The following IQCJ variants were observed in gnomAD, a reference collection of about 807,000 sequenced individuals.
The protein encoded by IQCJ is IQ motif containing J.
In IQCJ, 9 loss-of-function variants were observed where a neutral mutation model predicts 11.0. That is an observed-to-expected ratio of 0.82 (90% confidence interval 0.49 to 1.43). The LOEUF is 1.43. Among genes scored for constraint, IQCJ ranks in the 40% most tolerant of loss-of-function variants. The pLI is 0.00. For synonymous variants in IQCJ, 55 were observed against 51.3 expected (o/e 1.07, Z -0.31); for missense variants, 146 against 133.2 (o/e 1.10, Z -0.47).
chr3:159,156,100 G>T (rs1388141442), intron 1 of IQCJ, among the ~76,000 whole-genome samples: 2 of 152,174 alleles, frequency 1.3e-5, no homozygotes, highest in Admixed American at 1.3e-4. Flanking sequence ...TTAGCACTCT[G>T]TATGCATTTT....
At chr3:159,248,062 C>A (rs1410407413) in intron 2 of IQCJ, among the ~76,000 whole-genome samples, 1 of 152,140 alleles carries the variant, frequency 6.6e-6, no homozygotes, top group African/African-American at 2.4e-5. Context: ...GGTCTGATGC[C>A]TCTTTCTACT....
chr3:159,145,626 G>T (rs1026416873), intron 1 of IQCJ, among the ~76,000 whole-genome samples: 1 of 150,732 alleles, frequency 6.6e-6, no homozygotes. Flanking sequence ...AGACTTTTCC[G>T]GAGAAAAAGT....
intron 1 of IQCJ, among the ~76,000 whole-genome samples, chr3:159,106,515 T>A (rs1021572391): frequency 6.7e-6 from 1 of 150,054 alleles, no homozygotes; most frequent in Non-Finnish European, 1.5e-5. Flanking sequence ...GGTAGGAGGG[T>A]GGAGTGGGGT....
chr3:159,146,109 T>G (rs1169647006), intron 1 of IQCJ, among the ~76,000 whole-genome samples: 2 of 152,202 alleles, frequency 1.3e-5, no homozygotes, highest in Non-Finnish European at 2.9e-5. Flanking sequence ...GGCAATTACA[T>G]TGGCCTCCTT....
intron 1 of IQCJ, among the ~76,000 whole-genome samples, chr3:159,136,413 C>T (rs1395885887): frequency 1.3e-5 from 2 of 152,054 alleles, no homozygotes; most frequent in African/African-American, 4.8e-5. Flanking sequence ...GAGTGTGTTC[C>T]CCTTAGAGAC....
chr3:159,221,102 TG>T (rs1725512029), intron 1 of IQCJ, among the ~76,000 whole-genome samples: 1 of 152,240 alleles, frequency 6.6e-6, no homozygotes, highest in African/African-American at 2.4e-5. Context: ...CCTGTTTCAT[TG>T]TTTTGTTTTA....
chr3:159,116,430 C>G (rs944136831), intron 1 of IQCJ, among the ~76,000 whole-genome samples: 2 of 151,818 alleles, frequency 1.3e-5, no homozygotes, highest in African/African-American at 4.8e-5. Flanking sequence ...ATCTTCTCCT[C>G]AGCAGTGGCT....
At chr3:159,086,971 A>G (rs1716826269) in intron 1 of IQCJ, among the ~76,000 whole-genome samples, 1 of 152,182 alleles carries the variant, frequency 6.6e-6, no homozygotes, top group African/African-American at 2.4e-5. Flanking sequence ...AGGAGTGGTG[A>G]GAGAGGGCAT....
At chr3:159,233,419 A>G (rs1726385769) in intron 1 of IQCJ, among the ~76,000 whole-genome samples, 1 of 152,186 alleles carries the variant, frequency 6.6e-6, no homozygotes, top group South Asian at 2.1e-4. Flanking sequence ...TCCAGAGGCC[A>G]TTTGGCAAAA....
intron 1 of IQCJ, among the ~76,000 whole-genome samples, chr3:159,143,352 T>C (rs952238645): frequency 1.1e-4 from 16 of 152,358 alleles, no homozygotes; most frequent in South Asian, 6.2e-4. Context: ...CTTGAAGAGC[T>C]TGAACCTCTC....
chr3:159,247,977 A>G (rs1040243003), intron 2 of IQCJ, among the ~76,000 whole-genome samples: 10 of 152,218 alleles, frequency 6.6e-5, no homozygotes, highest in Admixed American at 3.9e-4. Context: ...AGATACTGGA[A>G]GTGCCCAAGA....
At position 159,144,999 on chromosome 3, in the gene IQCJ, CT is replaced by C. The variant is rs375630488; in HGVS notation, c.9+75562del. Among the ~76,000 whole-genome samples the C allele has an allele frequency of 4.0e-3, 609 of 152,172 alleles. 5 individuals are homozygous for C. The highest frequency in any genetic ancestry group is 0.013 in the African/African-American group (544 of 41,530). On this transcript the variant is annotated intron_variant, in intron 1 of 3. Coordinates refer to ENST00000397832, the MANE Select transcript of IQCJ (RefSeq NM_001042706.3). ...CTGAGTGATCATATTCTTCTTTTTC[CT>C]TTTCTTTTGCTGCTGTATCACTGAG...
rs767789968 is a variant in IQCJ at position 159,252,684 on chromosome 3, C to A, written c.75-43C>A. On this transcript the variant is annotated intron_variant, in intron 2 of 3. Coordinates refer to ENST00000397832, the MANE Select transcript of IQCJ (RefSeq NM_001042706.3). Reference sequence around the variant, plus strand: ...GCAGTATTATTGCTATAGATGTTAACCTTCTGGATTGGGAGATATTGAGAC... The same window carrying A: ...GCAGTATTATTGCTATAGATGTTAAACTTCTGGATTGGGAGATATTGAGAC... 3.4e-5 allele frequency: 53 copies of A among 1,558,848 alleles called. No individual in the cohort carries two copies. The East Asian group carries it at 5.4e-4, about 16-fold the overall frequency.
chr3:159,096,353 G>GAAGCAGA (rs1165035357), intron 1 of IQCJ, among the ~76,000 whole-genome samples: 1 of 149,950 alleles, frequency 6.7e-6, no homozygotes, highest in East Asian at 2.0e-4. Context: ...TTGCTGTGCA[G>GAAGCAGA]AAGCTCTTTA....
At chr3:159,219,724 A>T (rs1725429857) in intron 1 of IQCJ, among the ~76,000 whole-genome samples, 1 of 152,108 alleles carries the variant, frequency 6.6e-6, no homozygotes, top group Admixed American at 6.6e-5. Context: ...TCTTAACAAT[A>T]TGGAGGGGCT....
chr3:159,073,337 A>G (rs1035876110), intron 1 of IQCJ, among the ~76,000 whole-genome samples: 1 of 152,018 alleles, frequency 6.6e-6, no homozygotes, highest in African/African-American at 2.4e-5. Flanking sequence ...TGAGCAGTGT[A>G]CCTCCCTGGC....
intron 1 of IQCJ, among the ~76,000 whole-genome samples, chr3:159,218,613 T>A (rs1725367177): frequency 6.6e-6 from 1 of 152,110 alleles, no homozygotes; most frequent in Admixed American, 6.6e-5. Context: ...TGACCAGGGC[T>A]GGGGAAGATT....
At chr3:159,244,206 G>T (rs532213111) in intron 1 of IQCJ, among the ~76,000 whole-genome samples, 1 of 152,284 alleles carries the variant, frequency 6.6e-6, no homozygotes, top group South Asian at 2.1e-4. Context: ...TTAGAGAAGA[G>T]ATCAGATACA....
At chr3:159,188,238 T>C (rs1577068174) in intron 1 of IQCJ, among the ~76,000 whole-genome samples, 3 of 152,060 alleles carry the variant, frequency 2.0e-5, no homozygotes, top group South Asian at 4.1e-4. Flanking sequence ...TGGTGAAACC[T>C]TGTCTCTATT....
Sources: allele counts gnomAD v4.1 joint callset (sites outside exome capture counted in the v4.1 genomes callset), GRCh38; gene constraint gnomAD v4.1.1; transcripts MANE v1.5; gene names NCBI Gene and HGNC (gene_info 2026-07-23, HGNC 2026-07-21).